POLA1: variants seen among roughly 807,000 people sequenced by gnomAD.
POLA1 encodes DNA polymerase alpha 1, catalytic subunit.
Under a neutral mutation model 124.0 loss-of-function variants are expected in POLA1, and 15 were observed. The observed-to-expected ratio is 0.12, with a 90% confidence interval of 0.08 to 0.19. The LOEUF is 0.19. Ranked by LOEUF, POLA1 falls within the 10% of genes least tolerant of loss-of-function variation. The pLI, the probability that POLA1 is intolerant of heterozygous loss-of-function variation, is 1.00. For synonymous variants in POLA1, 408 were observed against 389.4 expected (o/e 1.05, Z -0.56); for missense variants, 886 against 1,103.4 (o/e 0.80, Z 2.79).
At chrX:24,742,171 CT>C (rs372266358) in intron 22 of POLA1, 50 bp downstream of exon 22, 7 of 573,739 alleles carry the variant, frequency 1.2e-5, no homozygotes, top group African/African-American at 8.2e-5. Flanking sequence ...CCCCCCCCCC[CT>C]TTTAATACCT....
chrX:24,779,960 A>G (rs969871314), intron 26 of POLA1, among the ~76,000 whole-genome samples: 2 of 112,025 alleles, frequency 1.8e-5, no homozygotes, highest in African/African-American at 3.2e-5. Context: ...CATTTCTTAT[A>G]GTTCAATCTG....
At chrX:24,735,893 T>C (rs982695044) in intron 18 of POLA1, among the ~76,000 whole-genome samples, 1 of 111,796 alleles carries the variant, frequency 8.9e-6, no homozygotes, top group African/African-American at 3.3e-5. Flanking sequence ...TCAGTGGATC[T>C]CTATGACATA....
intron 30 of POLA1, 44 bp from the exon 31 acceptor site, chrX:24,821,408 G>A (rs184973994): frequency 2.7e-6 from 3 of 1,111,348 alleles, no homozygotes; most frequent in East Asian, 3.0e-5. Context: ...TGTGTAAGAA[G>A]GGTTTTATTT....
intron 34 of POLA1, among the ~76,000 whole-genome samples, chrX:24,863,789 A>G (rs1377087049): frequency 3.6e-5 from 4 of 110,778 alleles, no homozygotes; most frequent in African/African-American, 1.3e-4. Flanking sequence ...CATATTGAGA[A>G]GTTTTTCCTC....
chrX:24,704,464 A>C lies in POLA1; in HGVS notation c.341A>C (p.Glu114Ala), dbSNP rs1267432660. The C allele has an allele frequency of 6.0e-6, 7 of 1,170,724 alleles. No homozygotes were observed. In the South Asian group the frequency reaches 1.3e-4, roughly 21 times the overall value. Residue 114 changes from glutamate (E) to alanine (A), a missense_variant, in exon 4 of 37, where the codon GAG becomes GCG. Transcript: ENST00000379068. ...GAAGATGATGCCCTTGATGCTGATG[A>C]GAAAGGTACCTACCTTTTGTTTTCC... ...DLEDDALDAD[E>A]KGKDGKARNK...
At chrX:24,850,961 G>A (rs1273797130) in intron 34 of POLA1, among the ~76,000 whole-genome samples, 1 of 111,728 alleles carries the variant, frequency 9.0e-6, no homozygotes, top group Non-Finnish European at 1.9e-5. Context: ...TCTTTTCAAG[G>A]TATCTCCAAG....
At chrX:24,777,505 AG>A (rs1157316301) in intron 26 of POLA1, among the ~76,000 whole-genome samples, 2 of 87,993 alleles carry the variant, frequency 2.3e-5, no homozygotes, top group Non-Finnish European at 4.4e-5. Flanking sequence ...TATTTTAAAA[AG>A]CTTATTGTAT....
At chrX:24,967,218 A>C (rs756535250) in intron 36 of POLA1, among the ~76,000 whole-genome samples, 2 of 20,439 alleles carry the variant, frequency 9.8e-5, no homozygotes, top group African/African-American at 4.5e-4. Context: ...CATATTTTTA[A>C]CTGTTTTTTT....
chrX:24,763,357 G>A (rs1247208978), intron 26 of POLA1, among the ~76,000 whole-genome samples: 2 of 111,418 alleles, frequency 1.8e-5, no homozygotes, highest in African/African-American at 6.5e-5. Flanking sequence ...GGAAGATGGA[G>A]TACCTTTCAC....
chrX:24,741,899 A>G (rs1292796827), intron 21 of POLA1, 103 bp from the exon 22 acceptor site: 6 of 564,774 alleles, frequency 1.1e-5, no homozygotes. Flanking sequence ...CGTTATTAGG[A>G]ATAGTTTTGA....
Position 24,756,542 on chromosome X carries a change from A to G in POLA1, c.2964+7550A>G, listed in dbSNP as rs765246024. Among the ~76,000 whole-genome samples, 7 of 109,713 alleles carry G rather than the reference A, an allele frequency of 6.4e-5. No homozygotes were observed. The East Asian group carries it at 1.7e-3, about 27-fold the overall frequency. On this transcript the variant is annotated intron_variant, in intron 26 of 36. Coordinates refer to ENST00000379068, the MANE Select transcript of POLA1 (RefSeq NM_001330360.2). ...CGCATCACTGCACACCAGTCTGGGC[A>G]ACAGAGTGAGACTCCATCTCAAAAA...
At chrX:24,737,931 T>TTAAAATCATTGGTTAGAATCTAG (rs1931378366) in intron 19 of POLA1, among the ~76,000 whole-genome samples, 190 bp downstream of exon 19, 1 of 108,925 alleles carries the variant, frequency 9.2e-6, no homozygotes, top group African/African-American at 3.6e-5. Flanking sequence ...CTGGTAGTTT[T>TTAAAATCATTGGTTAGAATCTAG]GGCCGGGCGC....
intron 26 of POLA1, among the ~76,000 whole-genome samples, chrX:24,765,492 C>T (rs1183007267): frequency 1.8e-5 from 2 of 109,238 alleles, no homozygotes; most frequent in African/African-American, 3.3e-5. Flanking sequence ...GACAGGGTTT[C>T]GCCGTGGTTG....
intron 36 of POLA1, among the ~76,000 whole-genome samples, chrX:24,949,772 T>C: frequency 9.3e-6 from 1 of 107,435 alleles, no homozygotes; most frequent in East Asian, 2.9e-4. Context: ...TCTCGCTCTT[T>C]TGCCTAAGCT....
At chrX:24,835,043 A>C (rs1359411062) in intron 32 of POLA1, among the ~76,000 whole-genome samples, 1 of 100,047 alleles carries the variant, frequency 1.0e-5, no homozygotes, top group African/African-American at 3.7e-5. Context: ...TTCATTTTGC[A>C]TTTCCTTTTT....
chrX:24,867,423 A>G (rs1048350718), intron 34 of POLA1, among the ~76,000 whole-genome samples: 4 of 111,694 alleles, frequency 3.6e-5, no homozygotes, highest in African/African-American at 1.3e-4. Flanking sequence ...CCCTAATACA[A>G]TTATAAGGAC....
At chrX:24,908,965 T>G (rs1278998158) in intron 35 of POLA1, among the ~76,000 whole-genome samples, 1 of 112,222 alleles carries the variant, frequency 8.9e-6, no homozygotes, top group Non-Finnish European at 1.9e-5. Flanking sequence ...TGGTTTTGAT[T>G]TGCATTTCTG....
At chrX:24,750,770 G>A (rs11573375) in intron 26 of POLA1, among the ~76,000 whole-genome samples, 1 of 111,632 alleles carries the variant, frequency 9.0e-6, no homozygotes, top group Admixed American at 9.5e-5. Flanking sequence ...GTACAGTAGG[G>A]TTGTCTCTTC....
intron 35 of POLA1, among the ~76,000 whole-genome samples, chrX:24,922,245 A>T (rs767510140): frequency 1.0e-5 from 1 of 97,777 alleles, no homozygotes; most frequent in Non-Finnish European, 2.0e-5. Context: ...CAACTAGTTT[A>T]TTTTTTTTTT....
Sources: gnomAD v4.1 joint callset for allele counts (sites outside exome capture counted in the v4.1 genomes callset) on GRCh38, gnomAD v4.1.1 for gene constraint, MANE v1.5 for transcripts, NCBI Gene and HGNC (gene_info 2026-07-23, HGNC 2026-07-21) for gene names.